SLC4A1AP: variants seen among roughly 807,000 people sequenced by gnomAD.
The protein encoded by SLC4A1AP is solute carrier family 4 member 1 adaptor protein.
SLC4A1AP carries 64 observed loss-of-function variants against 89.7 expected under a neutral mutation model. The ratio of observed to expected loss-of-function variants is 0.71; its 90% CI spans 0.58 to 0.88. SLC4A1AP has a LOEUF of 0.88. SLC4A1AP is among the 40% of genes least tolerant of loss of function. SLC4A1AP has a pLI of 0.00. For missense variants in SLC4A1AP, 931 were observed against 965.0 expected, an observed-to-expected ratio of 0.96 and a Z score of 0.47; for synonymous variants, 366 against 353.3, an observed-to-expected ratio of 1.04 and a Z score of -0.40.
At position 27,663,933 on chromosome 2, in the gene SLC4A1AP, C is replaced by T; in HGVS notation, c.181C>T (p.Gln61Ter). ...GTTGAGGATGGCTGACATTCTCTCT[C>T]AGTCAGAGACCCTGGCGTCGCAAGA... Residue 61 changes from glutamine (Q) to a stop codon, truncating the protein, a stop_gained, in exon 1 of 14, where the codon CAG becomes TAG. Coordinates refer to ENST00000613058, the Ensembl canonical transcript of SLC4A1AP. LOFTEE classifies it high-confidence loss of function. 6.2e-7 allele frequency: 1 copy of T among 1,614,210 alleles called. No homozygotes were observed. The highest frequency in any genetic ancestry group is 8.5e-7 in the Non-Finnish European group (1 of 1,180,034).
intron 9 of SLC4A1AP, among the ~76,000 whole-genome samples, chr2:27,684,580 C>T (rs1402746359): frequency 6.6e-6 from 1 of 152,104 alleles, no homozygotes; most frequent in Admixed American, 6.5e-5. Context: ...TCCTCCTTTT[C>T]TTCAGGATCT....
At chr2:27,682,120 T>A in intron 8 of SLC4A1AP, 128 bp from the exon 9 acceptor site, 1 of 615,922 alleles carries the variant, frequency 1.6e-6, no homozygotes, top group East Asian at 2.9e-5. Flanking sequence ...CTTATTGTTA[T>A]ATGCTTAGAT....
At chr2:27,683,274 C>G (rs1675649511) in intron 9 of SLC4A1AP, among the ~76,000 whole-genome samples, 1 of 152,186 alleles carries the variant, frequency 6.6e-6, no homozygotes, top group Non-Finnish European at 1.5e-5. Context: ...ATCTATATTC[C>G]TATTCATAGA....
intron 6 of SLC4A1AP, 103 bp downstream of exon 6, chr2:27,675,795 C>A: frequency 1.3e-6 from 1 of 742,422 alleles, no homozygotes; most frequent in Non-Finnish European, 1.9e-6. Flanking sequence ...AAAGTAGTAG[C>A]ATTGAAATCT....
chr2:27,687,693 A>G (rs75035755), intron 10 of SLC4A1AP, among the ~76,000 whole-genome samples: 7,560 of 152,252 alleles, frequency 0.05, 501 homozygotes, highest in African/African-American at 0.15. Context: ...TGAGGCTTTT[A>G]GTAAGTATTG....
intron 8 of SLC4A1AP, among the ~76,000 whole-genome samples, chr2:27,678,635 G>A (rs143731678): frequency 2.6e-3 from 402 of 151,988 alleles, no homozygotes; most frequent in Non-Finnish European, 4.4e-3. Flanking sequence ...ACAGGCCACA[G>A]GAAAAGAAAT....
At chr2:27,669,468 G>T in intron 5 of SLC4A1AP, 81 bp downstream of exon 5, 1 of 1,316,030 alleles carries the variant, frequency 7.6e-7, no homozygotes. Flanking sequence ...TCTTTATGGG[G>T]GGAAAATGTA....
rs543679426 is a variant in SLC4A1AP at position 27,668,506 on chromosome 2, A to G, written c.1145-337A>G. 5.8e-5 allele frequency: 26 copies of G among 450,340 alleles called. No homozygotes were observed. The East Asian group carries it at 1.1e-3, about 20-fold the overall frequency. 27.9% of individuals were successfully genotyped at this position (450,340 alleles called of 1,614,324 possible). A position where few individuals can be genotyped will look rare whatever the true frequency, so the allele number is the denominator to read the frequency against. The stretch of plus-strand genomic sequence containing the variant: ...ACTCTGTCGCCCAGGCCGGAGTGCA[A>G]TGGCGCAATCTTGGCTCACTGCAAC... On this transcript the variant is annotated intron_variant, in intron 3 of 13. Transcript: ENST00000613058.
intron 8 of SLC4A1AP, among the ~76,000 whole-genome samples, chr2:27,680,332 C>A (rs1437128745): frequency 6.6e-6 from 1 of 152,112 alleles, no homozygotes; most frequent in South Asian, 2.1e-4. Context: ...ACTTTCTATT[C>A]TATTCAGATA....
chr2:27,677,279 G>C lies in SLC4A1AP; in HGVS notation c.1507-16G>C, dbSNP rs1005462631. 1.9e-6 allele frequency: 3 copies of C among 1,570,892 alleles called. No homozygotes were observed. The highest frequency in any genetic ancestry group is 2.6e-6 in the Non-Finnish European group (3 of 1,141,934). On this transcript the variant is annotated splice_polypyrimidine_tract_variant and intron_variant, in intron 6 of 13. Coordinates refer to ENST00000613058, the Ensembl canonical transcript of SLC4A1AP. ...AGAAGAAAAACTTTGTAACCCTGTT[G>C]ATTTGGGTGTTACAGGTTGCAAAAT...
chr2:27,682,001 G>A (rs1197829089), intron 8 of SLC4A1AP, among the ~76,000 whole-genome samples: 1 of 152,178 alleles, frequency 6.6e-6, no homozygotes, highest in Non-Finnish European at 1.5e-5. Context: ...AAGTCATGTA[G>A]CATGTGGCAA....
intron 8 of SLC4A1AP, among the ~76,000 whole-genome samples, chr2:27,680,291 C>T (rs1675598480): frequency 6.6e-6 from 1 of 152,096 alleles, no homozygotes; most frequent in Non-Finnish European, 1.5e-5. Context: ...AGTATATGTG[C>T]TTTATACTTG....
Position 27,682,290 on chromosome 2 carries a change from G to A in SLC4A1AP, c.1806G>A (p.Lys602=), listed in dbSNP as rs139454199. The change falls in exon 9 of 14, where the codon AAG becomes AAA. Residue 602 remains lysine (K), a synonymous_variant. Transcript: ENST00000613058. ...CAGGTGCAGAAAACAAAGCTAAAAA[G>A]CTTACATTGCCTCTATTTGGTGCCA... 2.1e-4 allele frequency: 334 copies of A among 1,613,670 alleles called. 1 individual carries two copies. The highest frequency in any genetic ancestry group is 4.7e-5 in the Non-Finnish European group (55 of 1,179,886).
intron 9 of SLC4A1AP, among the ~76,000 whole-genome samples, chr2:27,682,785 A>G (rs533851430): frequency 6.6e-6 from 1 of 152,104 alleles, no homozygotes; most frequent in South Asian, 2.1e-4. Context: ...GCCTCCCAAA[A>G]TGCTGGGTTT....
intron 5 of SLC4A1AP, among the ~76,000 whole-genome samples, chr2:27,671,825 C>T (rs1675431242): frequency 6.6e-6 from 1 of 152,144 alleles, no homozygotes; most frequent in Non-Finnish European, 1.5e-5. Context: ...GGTCTACTCT[C>T]TTGTTTTGGT....
intron 6 of SLC4A1AP, 138 bp from the exon 7 acceptor site, chr2:27,677,157 T>C (rs1319247972): frequency 2.9e-6 from 2 of 689,988 alleles, no homozygotes; most frequent in Non-Finnish European, 5.2e-6. Flanking sequence ...AAAAAAGTGT[T>C]AACTCCATAA....
At chr2:27,668,405 C>T (rs1054568648) in intron 3 of SLC4A1AP, among the ~76,000 whole-genome samples, 1 of 152,036 alleles carries the variant, frequency 6.6e-6, no homozygotes, top group African/African-American at 2.4e-5. Context: ...CCATCTCGGC[C>T]ATCCAAAGTG....
chr2:27,667,215 A>G, intron 2 of SLC4A1AP, 53 bp from the exon 3 acceptor site: 2 of 1,565,884 alleles, frequency 1.3e-6, no homozygotes, highest in Non-Finnish European at 1.7e-6. Context: ...GTATCATTCA[A>G]ATAGTCTCTT....
exon 7 of SLC4A1AP, chr2:27,677,317 A>C: frequency 1.2e-6 from 2 of 1,613,484 alleles, no homozygotes; most frequent in Non-Finnish European, 1.7e-6. Flanking sequence ...AATGATGCTG[A>C]AAGGGAACTT....
Sources: allele counts gnomAD v4.1 joint callset (sites outside exome capture counted in the v4.1 genomes callset), GRCh38; gene constraint gnomAD v4.1.1; transcripts MANE v1.5; gene names NCBI Gene and HGNC (gene_info 2026-07-23, HGNC 2026-07-21).